ZNF385D: variants seen among roughly 807,000 people sequenced by gnomAD.
ZNF385D encodes zinc finger protein 385D.
A neutral mutation model predicts 35.8 loss-of-function variants in ZNF385D; 15 were observed. That is an observed-to-expected ratio of 0.42 (90% CI 0.28 to 0.64). ZNF385D has a LOEUF of 0.64. Among genes scored for constraint, ZNF385D ranks in the 30% least tolerant of loss-of-function variants. ZNF385D has a pLI of 0.23. For synonymous variants in ZNF385D, 212 were observed against 186.8 expected (o/e 1.13, Z -1.10); for missense variants, 474 against 494.6 (o/e 0.96, Z 0.39).
chr3:21,953,790 C>T (rs1453493797), intron 3 of ZNF385D, among the ~76,000 whole-genome samples: 1 of 151,872 alleles, frequency 6.6e-6, no homozygotes, highest in African/African-American at 2.4e-5. Flanking sequence ...CACAAAGATA[C>T]CACTGTAGTG....
At chr3:21,773,021 A>G (rs981965121) in intron 3 of ZNF385D, among the ~76,000 whole-genome samples, 1 of 151,896 alleles carries the variant, frequency 6.6e-6, no homozygotes, top group African/African-American at 2.4e-5. Context: ...TAGAGACAGT[A>G]AGTAGAATGG....
intron 2 of ZNF385D, among the ~76,000 whole-genome samples, chr3:22,282,282 G>A (rs1377847297): frequency 1.3e-5 from 2 of 151,696 alleles, no homozygotes; most frequent in African/African-American, 4.8e-5. Context: ...TGCTGGGTTT[G>A]GTTTGTTCTT....
At chr3:22,298,485 ATATAT>A (rs1702724320) in intron 2 of ZNF385D, among the ~76,000 whole-genome samples, 1 of 146,678 alleles carries the variant, frequency 6.8e-6, no homozygotes, top group Non-Finnish European at 1.5e-5. Flanking sequence ...TAAAACATTT[ATATAT>A]AATATATAAA....
intron 3 of ZNF385D, among the ~76,000 whole-genome samples, chr3:22,043,679 TA>T (rs1384641500): frequency 7.2e-6 from 1 of 138,768 alleles, no homozygotes; most frequent in East Asian, 2.2e-4. Flanking sequence ...GACCCTTGCC[TA>T]AGGGTCTTCA....
At chr3:21,745,696 G>A (rs892085398) in intron 1 of ZNF385D, among the ~76,000 whole-genome samples, 2 of 152,172 alleles carry the variant, frequency 1.3e-5, no homozygotes, top group Non-Finnish European at 2.9e-5. Context: ...GAGAGGGCAG[G>A]GACTATGACC....
chr3:21,441,630 G>T, intron 4 of ZNF385D: 1 of 936,338 alleles, frequency 1.1e-6, no homozygotes, highest in Non-Finnish European at 1.3e-6. Context: ...GTATTAAGTT[G>T]CTTAAAATCA....
intron 4 of ZNF385D, among the ~76,000 whole-genome samples, chr3:21,483,233 G>A (rs532640997): frequency 2.0e-5 from 3 of 152,128 alleles, no homozygotes; most frequent in Non-Finnish European, 4.4e-5. Flanking sequence ...AAGTGGAATA[G>A]TAAAAGATGG....
chr3:21,823,972 T>C (rs927249669), intron 3 of ZNF385D, among the ~76,000 whole-genome samples: 2 of 152,214 alleles, frequency 1.3e-5, no homozygotes, highest in Admixed American at 6.5e-5. Context: ...TATTACACTA[T>C]TTAATGATGC....
chr3:22,222,981 T>TC lies in ZNF385D; in HGVS notation c.107-53947dup, dbSNP rs1698349693. On this transcript the variant is annotated intron_variant, in intron 2 of 5. Transcript: ENST00000494108. ...GTCATTGATAAGTATCCCTGAAGTC[T>TC]CCCTTCATCCAACCATCCTTTTTCC... Among the ~76,000 whole-genome samples the TC allele has an allele frequency of 2.6e-5, 4 of 152,294 alleles. No homozygotes were observed. The South Asian group carries it at 8.3e-4, about 32-fold the overall frequency.
intron 3 of ZNF385D, among the ~76,000 whole-genome samples, chr3:22,017,394 A>G (rs968310217): frequency 2.0e-5 from 3 of 151,814 alleles, no homozygotes; most frequent in Admixed American, 2.0e-4. Flanking sequence ...ATCTCTTTTC[A>G]GCTCTGTCAA....
intron 2 of ZNF385D, among the ~76,000 whole-genome samples, chr3:22,182,849 A>AT (rs1180281168): frequency 2.0e-5 from 3 of 151,998 alleles, no homozygotes; most frequent in Non-Finnish European, 2.9e-5. Flanking sequence ...TACAATAGAG[A>AT]TTTTTTTCAT....
At chr3:21,518,643 G>A (rs1371993084) in intron 3 of ZNF385D, among the ~76,000 whole-genome samples, 2 of 152,080 alleles carry the variant, frequency 1.3e-5, no homozygotes, top group East Asian at 3.9e-4. Context: ...GCCATGTCTA[G>A]TTTTTTTCCT....
At chr3:21,648,860 C>T (rs1165400220) in intron 2 of ZNF385D, among the ~76,000 whole-genome samples, 4 of 152,152 alleles carry the variant, frequency 2.6e-5, no homozygotes, top group Non-Finnish European at 2.9e-5. Flanking sequence ...CCACATATAA[C>T]CTGAGATGCA....
intron 2 of ZNF385D, among the ~76,000 whole-genome samples, chr3:22,343,376 A>G (rs917141497): frequency 6.6e-6 from 1 of 152,200 alleles, no homozygotes; most frequent in African/African-American, 2.4e-5. Flanking sequence ...TATTTCCAGG[A>G]CCAAGAGTTG....
intron 3 of ZNF385D, among the ~76,000 whole-genome samples, chr3:21,923,667 T>C (rs947816542): frequency 2.0e-5 from 3 of 151,078 alleles, no homozygotes; most frequent in Non-Finnish European, 4.4e-5. Context: ...CATGGAATAC[T>C]ATGCAGCCAT....
intron 4 of ZNF385D, among the ~76,000 whole-genome samples, chr3:21,478,646 C>T (rs762779442): frequency 2.6e-5 from 4 of 152,096 alleles, no homozygotes; most frequent in Non-Finnish European, 4.4e-5. Flanking sequence ...CACGCTTAGG[C>T]GTAACTTAGC....
intron 3 of ZNF385D, among the ~76,000 whole-genome samples, chr3:21,520,959 C>T (rs1390361456): frequency 6.6e-6 from 1 of 152,162 alleles, no homozygotes; most frequent in East Asian, 1.9e-4. Flanking sequence ...TCACATAACA[C>T]ATACTCTGTG....
chr3:22,313,715 T>C (rs1188651396), intron 2 of ZNF385D, among the ~76,000 whole-genome samples: 3 of 152,132 alleles, frequency 2.0e-5, no homozygotes, highest in Admixed American at 6.5e-5. Context: ...AGTCAGAATA[T>C]CCTCAACGGC....
At chr3:22,368,429 C>A (rs192530523) in intron 2 of ZNF385D, among the ~76,000 whole-genome samples, 3 of 152,126 alleles carry the variant, frequency 2.0e-5, no homozygotes, top group Admixed American at 6.5e-5. Flanking sequence ...CCTCTAATTG[C>A]AAATTTTTTA....
Sources: gnomAD v4.1 joint callset for allele counts (sites outside exome capture counted in the v4.1 genomes callset) on GRCh38, gnomAD v4.1.1 for gene constraint, MANE v1.5 for transcripts, NCBI Gene and HGNC (gene_info 2026-07-23, HGNC 2026-07-21) for gene names.